AFAP1: variants seen among roughly 807,000 people sequenced by gnomAD.
The protein encoded by AFAP1 is actin filament associated protein 1, also known as actin filament-associated protein 1.
In AFAP1, 75 loss-of-function variants were observed where a neutral mutation model predicts 93.9. The observed-to-expected ratio is 0.80, with a 90% confidence interval of 0.66 to 0.97. The LOEUF is 0.97. Ranked by LOEUF, AFAP1 falls within the 50% of genes least tolerant of loss-of-function variation. The pLI is 0.00. For missense variants in AFAP1, 1,201 were observed against 1,050.8 expected (o/e 1.14, Z -1.98); for synonymous variants, 517 against 430.7 (o/e 1.20, Z -2.48).
rs533235513 is a variant in AFAP1 at position 7,829,847 on chromosome 4, T to C, written c.726+8677A>G. 7.9e-4 allele frequency among the ~76,000 whole-genome samples: 121 copies of C among 152,324 alleles called. 1 individual carries two copies. Among genetic ancestry groups the C allele is most frequent in the Non-Finnish European group, 1.6e-3 (107 of 68,026 alleles). ...ATAATACGAATGCTGATAACCTTCA[T>C]GGAAGTGATTACTCTTTCTGAGAAT... On this transcript the variant is annotated intron_variant, in intron 6 of 17. Coordinates refer to ENST00000420658, the MANE Select transcript of AFAP1 (RefSeq NM_001134647.2).
intron 1 of AFAP1, among the ~76,000 whole-genome samples, chr4:7,877,474 G>A (rs545072644): frequency 1.3e-5 from 2 of 152,312 alleles, no homozygotes; most frequent in African/African-American, 4.8e-5. Flanking sequence ...TTCTAAGCCT[G>A]TTACATATAT....
chr4:7,927,949 G>A (rs148631206), intron 1 of AFAP1, among the ~76,000 whole-genome samples: 11 of 152,266 alleles, frequency 7.2e-5, no homozygotes, highest in Non-Finnish European at 1.6e-4. Context: ...TCAAGTCATA[G>A]AGATGAAAAG....
At chr4:7,840,305 G>GGGGTGT (rs201317810) in intron 5 of AFAP1, among the ~76,000 whole-genome samples, 9 of 131,180 alleles carry the variant, frequency 6.9e-5, no homozygotes, top group Non-Finnish European at 1.4e-4. Context: ...TTGTTTTTGG[G>GGGGTGT]GTGTGTGTGT....
At chr4:7,778,297 A>G (rs10009045) in intron 14 of AFAP1, 168,186 of 199,820 alleles carry the variant, frequency 0.84, 71,400 homozygotes, top group African/African-American at 0.96. Context: ...AGAACTCCTC[A>G]TACTGCTCTA....
In AFAP1 at chr4:7,793,064, G is replaced by A. The variant is rs554353923; in HGVS notation, c.1412+617C>T. Among the ~76,000 whole-genome samples the A allele has an allele frequency of 2.6e-5, 4 of 152,294 alleles. No individual in the cohort carries two copies. The South Asian group carries it at 8.3e-4, about 32-fold the overall frequency. ...GGTCTGGAAAATCTCCAGGGGTTCT[G>A]TGGACCATACCAAGAACTGCTGCTA... On this transcript the variant is annotated intron_variant, in intron 11 of 17. Transcript: ENST00000420658.
At chr4:7,766,244 A>G (rs1012334424) in intron 17 of AFAP1, among the ~76,000 whole-genome samples, 2 of 152,128 alleles carry the variant, frequency 1.3e-5, no homozygotes, top group Non-Finnish European at 2.9e-5. Flanking sequence ...TTGCCCCTTC[A>G]GCCTCCCTGG....
At chr4:7,901,900 C>T (rs1719134785) in intron 1 of AFAP1, among the ~76,000 whole-genome samples, 1 of 152,220 alleles carries the variant, frequency 6.6e-6, no homozygotes, top group South Asian at 2.1e-4. Flanking sequence ...CTAAGGCTCA[C>T]ATCTTCCTAT....
intron 4 of AFAP1, among the ~76,000 whole-genome samples, chr4:7,844,514 G>A (rs1713457450): frequency 6.6e-6 from 1 of 152,138 alleles, no homozygotes; most frequent in African/African-American, 2.4e-5. Flanking sequence ...GCCTCCACAC[G>A]GCCCAACACA....
At chr4:7,788,859 C>A (rs940173116) in intron 11 of AFAP1, 1 of 152,344 alleles carries the variant, frequency 6.6e-6, no homozygotes, top group African/African-American at 2.4e-5. Context: ...GCACGTCTCT[C>A]ACGGGCTTGC....
At chr4:7,827,841 G>A (rs931042132) in intron 6 of AFAP1, among the ~76,000 whole-genome samples, 4 of 152,130 alleles carry the variant, frequency 2.6e-5, no homozygotes, top group South Asian at 2.1e-4. Context: ...GGCGGGTGAC[G>A]TCTCATCCGA....
chr4:7,767,900 C>T (rs1053783545), intron 17 of AFAP1, among the ~76,000 whole-genome samples: 1 of 152,206 alleles, frequency 6.6e-6, no homozygotes, highest in African/African-American at 2.4e-5. Context: ...ACTGGCCAAA[C>T]CTCATCTCTA....
At chr4:7,861,313 G>A (rs752734703) in intron 3 of AFAP1, among the ~76,000 whole-genome samples, 1 of 152,204 alleles carries the variant, frequency 6.6e-6, no homozygotes, top group African/African-American at 2.4e-5. Context: ...AACTTCCTGT[G>A]CCGCTTGCTG....
rs5855982 is a variant in AFAP1, at chr4:7,822,586, CTTTTTTT to C, written c.727-3422_727-3416del. Among the ~76,000 whole-genome samples, 390 of 132,558 alleles carry C rather than the reference CTTTTTTT, an allele frequency of 2.9e-3. 1 individual carries two copies. The highest frequency in any genetic ancestry group is 4.3e-3 in the Non-Finnish European group (273 of 64,164). 87.0% of individuals were successfully genotyped at this position (132,558 alleles called of 152,430 possible). Reference sequence around the variant, plus strand: ...GTTGTCTTCTTTCTTTTTCTTTTTTCTTTTTTTTTTTTTTTTGAGACAGAGTCTCGCT... The same window carrying C: ...GTTGTCTTCTTTCTTTTTCTTTTTTCTTTTTTTTTGAGACAGAGTCTCGCT... On this transcript the variant is annotated intron_variant, in intron 6 of 17. Coordinates refer to ENST00000420658, the MANE Select transcript of AFAP1 (RefSeq NM_001134647.2).
intron 3 of AFAP1, among the ~76,000 whole-genome samples, chr4:7,865,356 C>G (rs976350253): frequency 6.6e-6 from 1 of 152,328 alleles, no homozygotes; most frequent in East Asian, 1.9e-4. Flanking sequence ...TATGGTAGCT[C>G]ACGCCTGTAA....
chr4:7,846,244 A>T (rs1461337546), intron 4 of AFAP1, among the ~76,000 whole-genome samples: 4 of 152,210 alleles, frequency 2.6e-5, no homozygotes, highest in Non-Finnish European at 5.9e-5. Context: ...GGTTACACAG[A>T]TGGCTTCTTT....
chr4:7,856,518 G>T (rs1029140792), intron 3 of AFAP1, among the ~76,000 whole-genome samples: 1 of 152,106 alleles, frequency 6.6e-6, no homozygotes, highest in Non-Finnish European at 1.5e-5. Flanking sequence ...GGGATTACAG[G>T]TGTCAGCCAC....
chr4:7,833,393 A>C (rs1243575741), intron 6 of AFAP1, among the ~76,000 whole-genome samples: 2 of 152,040 alleles, frequency 1.3e-5, no homozygotes, highest in Non-Finnish European at 2.9e-5. Flanking sequence ...ACAAACATAC[A>C]AAAAAATGCT....
At chr4:7,880,687 C>T (rs1717789159) in intron 1 of AFAP1, among the ~76,000 whole-genome samples, 1 of 152,188 alleles carries the variant, frequency 6.6e-6, no homozygotes. Flanking sequence ...GTGACCAGAC[C>T]GCCAGTCAAA....
chr4:7,839,099 C>A (rs552074628), intron 5 of AFAP1, among the ~76,000 whole-genome samples: 1 of 152,322 alleles, frequency 6.6e-6, no homozygotes, highest in East Asian at 1.9e-4. Context: ...CTTTGGGAGG[C>A]TGAGGCAGGT....
Sources: allele counts gnomAD v4.1 joint callset (sites outside exome capture counted in the v4.1 genomes callset), GRCh38; gene constraint gnomAD v4.1.1; transcripts MANE v1.5; gene names NCBI Gene and HGNC (gene_info 2026-07-23, HGNC 2026-07-21).